Variants in ADAMTSL1 observed in about 807,000 individuals in gnomAD.
ADAMTSL1 encodes the protein ADAMTS-like protein 1.
Under a neutral mutation model 201.8 loss-of-function variants are expected in ADAMTSL1, and 126 were observed. The ratio of observed to expected loss-of-function variants is 0.62; its 90% confidence interval spans 0.54 to 0.72. The LOEUF is 0.72. Ranked by LOEUF, ADAMTSL1 falls within the 30% of genes least tolerant of loss-of-function variation. The pLI is 0.00. For synonymous variants in ADAMTSL1, 1,121 were observed against 903.4 expected, an observed-to-expected ratio of 1.24 and a Z score of -4.32; for missense variants, 2,679 against 2,277.8, an observed-to-expected ratio of 1.18 and a Z score of -3.59.
chr9:18,120,363 T>A (rs915914308), intron 1 of ADAMTSL1, among the ~76,000 whole-genome samples: 2 of 152,190 alleles, frequency 1.3e-5, no homozygotes, highest in Non-Finnish European at 2.9e-5. Flanking sequence ...GCACAGCATC[T>A]GTTTTGCTCA....
At chr9:18,824,245 C>A (rs1261212632) in intron 21 of ADAMTSL1, among the ~76,000 whole-genome samples, 1 of 151,900 alleles carries the variant, frequency 6.6e-6, no homozygotes, top group Non-Finnish European at 1.5e-5. Flanking sequence ...CATGGACAGG[C>A]ATCATGATGC....
chr9:18,658,943 A>G (rs1828885107), intron 8 of ADAMTSL1, among the ~76,000 whole-genome samples: 1 of 152,232 alleles, frequency 6.6e-6, no homozygotes, highest in South Asian at 2.1e-4. Context: ...GGCTATTGGC[A>G]CACATTACCA....
intron 2 of ADAMTSL1, among the ~76,000 whole-genome samples, chr9:18,279,906 C>T (rs1223975646): frequency 6.6e-6 from 1 of 151,926 alleles, no homozygotes; most frequent in African/African-American, 2.4e-5. Context: ...TGGGGTGGGC[C>T]TGGAGGTGGA....
At chr9:18,851,130 A>C (rs1394908891) in intron 23 of ADAMTSL1, among the ~76,000 whole-genome samples, 2 of 152,042 alleles carry the variant, frequency 1.3e-5, no homozygotes, top group African/African-American at 4.8e-5. Context: ...TTACTGACCA[A>C]AAAATCATTC....
At chr9:18,823,329 C>T (rs1460543679) in intron 21 of ADAMTSL1, among the ~76,000 whole-genome samples, 1 of 152,160 alleles carries the variant, frequency 6.6e-6, no homozygotes, top group Non-Finnish European at 1.5e-5. Context: ...TGAACGTTTC[C>T]ATTTCTCCCA....
chr9:18,770,562 T>C (rs750739029), intron 16 of ADAMTSL1, 40 bp from the exon 17 acceptor site: 3 of 1,566,628 alleles, frequency 1.9e-6, no homozygotes, highest in African/African-American at 1.4e-5. Context: ...CCTTCCCATA[T>C]TGGGTCTACT....
intron 4 of ADAMTSL1, among the ~76,000 whole-genome samples, chr9:18,580,148 G>T (rs891670195): frequency 6.6e-6 from 1 of 152,050 alleles, no homozygotes; most frequent in Non-Finnish European, 1.5e-5. Flanking sequence ...TTCAAAAAGG[G>T]AAAGAAGAAT....
At chr9:18,767,574 T>C (rs552253257) in intron 16 of ADAMTSL1, among the ~76,000 whole-genome samples, 1 of 152,346 alleles carries the variant, frequency 6.6e-6, no homozygotes, top group African/African-American at 2.4e-5. Context: ...TAGTTATCCA[T>C]AGCAACAGGA....
At chr9:18,124,733 A>C (rs1423589168) in intron 1 of ADAMTSL1, among the ~76,000 whole-genome samples, 7 of 152,208 alleles carry the variant, frequency 4.6e-5, no homozygotes. Context: ...AAAAAAATGG[A>C]AAGCCATTTT....
At chr9:18,219,500 T>C (rs538892605) in intron 2 of ADAMTSL1, among the ~76,000 whole-genome samples, 1 of 151,944 alleles carries the variant, frequency 6.6e-6, no homozygotes, top group East Asian at 1.9e-4. Context: ...TCCTGAGTAG[T>C]TGGGATTACA....
At chr9:18,424,050 G>A (rs916083877) in intron 2 of ADAMTSL1, among the ~76,000 whole-genome samples, 2 of 152,182 alleles carry the variant, frequency 1.3e-5, no homozygotes, top group Non-Finnish European at 1.5e-5. Context: ...CTTATTCAAA[G>A]ATATGCTAAA....
At chr9:18,492,600 C>T (rs752961666) in intron 1 of ADAMTSL1, among the ~76,000 whole-genome samples, 2 of 152,076 alleles carry the variant, frequency 1.3e-5, no homozygotes, top group Non-Finnish European at 2.9e-5. Context: ...CACTGCACAA[C>T]GTTTTTTCAT....
chr9:18,586,987 A>G (rs1823538313), intron 4 of ADAMTSL1, among the ~76,000 whole-genome samples: 1 of 151,954 alleles, frequency 6.6e-6, no homozygotes, highest in African/African-American at 2.4e-5. Context: ...AATACTATTA[A>G]AAAAAAACTG....
intron 2 of ADAMTSL1, chr9:18,362,024 G>A (rs1836545602): frequency 6.6e-6 from 1 of 152,188 alleles, no homozygotes; most frequent in Non-Finnish European, 1.5e-5. Context: ...TGGGGTAGAA[G>A]TGTTGTCAAG....
chr9:18,507,822 C>T (rs1817777469), intron 2 of ADAMTSL1, among the ~76,000 whole-genome samples: 1 of 152,150 alleles, frequency 6.6e-6, no homozygotes, highest in Non-Finnish European at 1.5e-5. Flanking sequence ...GGCAGGGGCC[C>T]TTTGTGGATA....
intron 1 of ADAMTSL1, among the ~76,000 whole-genome samples, chr9:18,142,005 G>T (rs149869283): frequency 1.3e-5 from 2 of 152,318 alleles, no homozygotes; most frequent in Non-Finnish European, 2.9e-5. Context: ...ACCTGGGATG[G>T]CCCAATATGT....
chr9:18,051,843 A>T (rs1821956227), intron 1 of ADAMTSL1, among the ~76,000 whole-genome samples: 1 of 152,140 alleles, frequency 6.6e-6, no homozygotes, highest in Admixed American at 6.6e-5. Context: ...TGAGTAGACA[A>T]AAAAAAGTAG....
chr9:18,701,422 G>A (rs1831916910), intron 13 of ADAMTSL1, among the ~76,000 whole-genome samples: 1 of 152,124 alleles, frequency 6.6e-6, no homozygotes, highest in African/African-American at 2.4e-5. Context: ...GTTTCGCCAT[G>A]TTGGCCAGGT....
intron 2 of ADAMTSL1, among the ~76,000 whole-genome samples, chr9:18,241,135 A>T (rs577027947): frequency 2.0e-5 from 3 of 152,214 alleles, no homozygotes; most frequent in Admixed American, 1.3e-4. Flanking sequence ...CATTTGACTA[A>T]CTACTGAGTA....
Sources: gnomAD v4.1 joint callset for allele counts (sites outside exome capture counted in the v4.1 genomes callset) on GRCh38, gnomAD v4.1.1 for gene constraint, MANE v1.5 for transcripts, NCBI Gene and HGNC (gene_info 2026-07-23, HGNC 2026-07-21) for gene names.